The following GUCY1A2 variants were observed in gnomAD, a reference collection of about 807,000 sequenced individuals.
The protein encoded by GUCY1A2 is guanylate cyclase 1 soluble subunit alpha 2.
A neutral mutation model predicts 63.5 loss-of-function variants in GUCY1A2; 27 were observed. That is an observed-to-expected ratio of 0.43 (90% confidence interval 0.31 to 0.59). The LOEUF (loss-of-function observed/expected upper bound fraction) is 0.59. Among genes scored for constraint, GUCY1A2 ranks in the 20% least tolerant of loss-of-function variants. GUCY1A2 has a pLI of 0.11. For missense variants in GUCY1A2, 768 were observed against 913.3 expected, an observed-to-expected ratio of 0.84 and a Z score of 2.05; for synonymous variants, 364 against 343.5, an observed-to-expected ratio of 1.06 and a Z score of -0.66.
intron 4 of GUCY1A2, among the ~76,000 whole-genome samples, chr11:106,893,558 G>A (rs1860004273): frequency 6.6e-6 from 1 of 151,964 alleles, no homozygotes; most frequent in South Asian, 2.1e-4. Flanking sequence ...TCCAGTTTCT[G>A]GTCCCACATG....
intron 4 of GUCY1A2, among the ~76,000 whole-genome samples, chr11:106,912,896 A>T (rs767060065): frequency 2.6e-5 from 4 of 152,140 alleles, no homozygotes; most frequent in Admixed American, 1.3e-4. Context: ...TAGGAGTTTG[A>T]TCTGCCTGCT....
intron 6 of GUCY1A2, among the ~76,000 whole-genome samples, chr11:106,754,511 T>C (rs1863938668): frequency 6.6e-6 from 1 of 152,206 alleles, no homozygotes. Flanking sequence ...ATAGCTCTTA[T>C]TATTTTGAGA....
chr11:106,829,501 T>C (rs1283321839), intron 4 of GUCY1A2, among the ~76,000 whole-genome samples: 3 of 152,212 alleles, frequency 2.0e-5, no homozygotes, highest in African/African-American at 7.2e-5. Flanking sequence ...GGGATAATGA[T>C]AATTTTAACA....
At chr11:106,711,845 T>A (rs1863125886) in intron 6 of GUCY1A2, among the ~76,000 whole-genome samples, 1 of 152,168 alleles carries the variant, frequency 6.6e-6, no homozygotes, top group African/African-American at 2.4e-5. Context: ...TTACCCCCAG[T>A]AGTTTAAAGA....
chr11:106,973,934 C>G (rs1291329391), intron 3 of GUCY1A2, among the ~76,000 whole-genome samples: 1 of 151,974 alleles, frequency 6.6e-6, no homozygotes, highest in African/African-American at 2.4e-5. Flanking sequence ...GTCTTGGCAA[C>G]TCTAGGAAGT....
At chr11:106,762,912 A>C (rs981084872) in intron 6 of GUCY1A2, among the ~76,000 whole-genome samples, 1 of 152,086 alleles carries the variant, frequency 6.6e-6, no homozygotes, top group African/African-American at 2.4e-5. Context: ...ATTTTTAGCC[A>C]ATAAAAATTT....
At chr11:106,689,743 C>T (rs1862589226) in intron 7 of GUCY1A2, among the ~76,000 whole-genome samples, 1 of 152,160 alleles carries the variant, frequency 6.6e-6, no homozygotes, top group Non-Finnish European at 1.5e-5. Flanking sequence ...GTAATCCCAG[C>T]ACTTTGGGAG....
chr11:106,919,981 C>T (rs929458958), intron 4 of GUCY1A2, among the ~76,000 whole-genome samples: 11 of 151,980 alleles, frequency 7.2e-5, no homozygotes, highest in African/African-American at 2.7e-4. Flanking sequence ...AATTGAGATG[C>T]GCTAAACCAC....
intron 4 of GUCY1A2, among the ~76,000 whole-genome samples, chr11:106,861,542 G>T (rs1944193): frequency 0.89 from 135,346 of 151,968 alleles, 60,353 homozygotes; most frequent in East Asian, 0.99. Context: ...GAAACAAGTT[G>T]GGGCTCTATC....
rs542424915 is a variant in GUCY1A2, at chr11:106,827,967, G to T, written c.1207-17489C>A. ...CTGGACTCCAGGAGAGGAAGCAGCC[G>T]CGAGGCGGTCACTTCCGGTGCCTTA... On this transcript the variant is annotated intron_variant, in intron 4 of 7. Coordinates refer to ENST00000526355, the MANE Select transcript of GUCY1A2 (RefSeq NM_000855.3). 456 of 896,922 alleles carry T rather than the reference G, an allele frequency of 5.1e-4. 4 individuals carry two copies. The South Asian group carries it at 6.1e-3, about 12-fold the overall frequency. The allele number at this position is 896,922 out of a possible 1,614,324, so 55.6% of individuals were successfully genotyped here. A position where few individuals can be genotyped will look rare whatever the true frequency, so the allele number is the denominator to read the frequency against.
chr11:106,852,493 C>G (rs1268905425), intron 4 of GUCY1A2, among the ~76,000 whole-genome samples: 1 of 151,870 alleles, frequency 6.6e-6, no homozygotes, highest in Non-Finnish European at 1.5e-5. Flanking sequence ...TCTTTCTGTG[C>G]CTAATTTGTT....
chr11:107,012,404 T>C (rs908859526), intron 1 of GUCY1A2, among the ~76,000 whole-genome samples: 3 of 152,152 alleles, frequency 2.0e-5, no homozygotes, highest in African/African-American at 7.2e-5. Flanking sequence ...TTAAAATTAA[T>C]AGATCTCACC....
intron 4 of GUCY1A2, among the ~76,000 whole-genome samples, chr11:106,844,831 A>T (rs1038087920): frequency 2.6e-5 from 4 of 151,758 alleles, no homozygotes. Context: ...GATGTTATCA[A>T]GAACAATATC....
At chr11:106,852,819 T>C (rs937245020) in intron 4 of GUCY1A2, among the ~76,000 whole-genome samples, 3 of 152,178 alleles carry the variant, frequency 2.0e-5, no homozygotes, top group Non-Finnish European at 4.4e-5. Context: ...GTTGGTCTCA[T>C]ATAATGAGTT....
intron 4 of GUCY1A2, among the ~76,000 whole-genome samples, chr11:106,866,600 T>C (rs767523950): frequency 2.6e-5 from 4 of 152,072 alleles, no homozygotes; most frequent in East Asian, 1.9e-4. Context: ...GTTAGCATTT[T>C]TGTACCTTTT....
chr11:106,857,775 A>G (rs1859457316), intron 4 of GUCY1A2, among the ~76,000 whole-genome samples: 1 of 152,238 alleles, frequency 6.6e-6, no homozygotes, highest in Non-Finnish European at 1.5e-5. Flanking sequence ...AACTATTTAC[A>G]TAGCATTTAC....
intron 4 of GUCY1A2, among the ~76,000 whole-genome samples, chr11:106,832,485 G>T (rs1466172779): frequency 6.6e-6 from 1 of 152,136 alleles, no homozygotes; most frequent in South Asian, 2.1e-4. Flanking sequence ...TGAAAGAAAT[G>T]ATGTGTCCAG....
At chr11:106,691,185 A>ATGGAGAC (rs1184373341) in intron 7 of GUCY1A2, among the ~76,000 whole-genome samples, 3 of 152,170 alleles carry the variant, frequency 2.0e-5, no homozygotes, top group African/African-American at 7.2e-5. Flanking sequence ...AGTCCTCTGA[A>ATGGAGAC]TGGAGACGAG....
chr11:106,894,412 A>G (rs1400834476), intron 4 of GUCY1A2, among the ~76,000 whole-genome samples: 1 of 152,236 alleles, frequency 6.6e-6, no homozygotes, highest in Admixed American at 6.5e-5. Flanking sequence ...GAACATCAGT[A>G]AGAATACAGT....
Sources: allele counts gnomAD v4.1 joint callset (sites outside exome capture counted in the v4.1 genomes callset), GRCh38; gene constraint gnomAD v4.1.1; transcripts MANE v1.5; gene names NCBI Gene and HGNC (gene_info 2026-07-23, HGNC 2026-07-21).